FNIP2: variants seen among roughly 807,000 people sequenced by gnomAD.
FNIP2 encodes the protein folliculin interacting protein 2.
In FNIP2, 32 loss-of-function variants were observed where a neutral mutation model predicts 108.7. The ratio of observed to expected loss-of-function variants is 0.29; its 90% CI spans 0.22 to 0.40. The LOEUF (loss-of-function observed/expected upper bound fraction) is 0.40. Ranked by LOEUF, FNIP2 falls within the 10% of genes least tolerant of loss-of-function variation. The pLI, the probability that FNIP2 is intolerant of heterozygous loss-of-function variation, is 1.00. For missense variants in FNIP2, 1,202 were observed against 1,381.6 expected, an observed-to-expected ratio of 0.87 and a Z score of 2.06; for synonymous variants, 480 against 496.7, an observed-to-expected ratio of 0.97 and a Z score of 0.45.
intron 1 of FNIP2, among the ~76,000 whole-genome samples, chr4:158,814,683 C>T (rs1695521226): frequency 6.6e-6 from 1 of 152,190 alleles, no homozygotes; most frequent in Non-Finnish European, 1.5e-5. Flanking sequence ...GAGAAACTTT[C>T]TCCTGTCTTT....
intron 1 of FNIP2, among the ~76,000 whole-genome samples, chr4:158,815,537 C>G (rs1007068612): frequency 6.6e-6 from 1 of 152,052 alleles, no homozygotes; most frequent in Admixed American, 6.6e-5. Flanking sequence ...CGCCCGCCAC[C>G]ACGCCCAGCT....
intron 1 of FNIP2, among the ~76,000 whole-genome samples, chr4:158,795,047 CT>C (rs1223461370): frequency 6.6e-6 from 1 of 152,170 alleles, no homozygotes; most frequent in African/African-American, 2.4e-5. Context: ...GACAGTTCTA[CT>C]GGATGGAATA....
chr4:158,846,681 A>C (rs554255113), intron 7 of FNIP2, among the ~76,000 whole-genome samples: 96 of 152,370 alleles, frequency 6.3e-4, no homozygotes, highest in Admixed American at 1.2e-3. Flanking sequence ...ATACAGGTTA[A>C]CAAGAGAAAA....
chr4:158,829,241 C>T lies in FNIP2; in HGVS notation c.381+16C>T. On this transcript the variant is annotated intron_variant, in intron 3 of 16. Coordinates refer to ENST00000264433, the MANE Select transcript of FNIP2 (RefSeq NM_020840.3). ...AAAGTACCAGGTACAACCATCCCTT[C>T]TGTGGGAATAGCCCCTGAGGTTAAA... The T allele has an allele frequency of 6.3e-7, 1 of 1,588,494 alleles. No homozygotes were observed. The highest frequency in any genetic ancestry group is 1.3e-5 in the African/African-American group (1 of 74,220).
chr4:158,790,023 G>A (rs929810425), intron 1 of FNIP2, among the ~76,000 whole-genome samples: 2 of 151,772 alleles, frequency 1.3e-5, no homozygotes, highest in African/African-American at 2.4e-5. Context: ...TGACCTTATG[G>A]GTCACGGTCC....
At chr4:158,853,097 A>G (rs532524462) in intron 8 of FNIP2, among the ~76,000 whole-genome samples, 1 of 151,602 alleles carries the variant, frequency 6.6e-6, no homozygotes, top group East Asian at 1.9e-4. Flanking sequence ...AATATAAACT[A>G]ATAAATTCCA....
At chr4:158,867,453 A>G (rs35322790) in intron 12 of FNIP2, among the ~76,000 whole-genome samples, 44,057 of 152,204 alleles carry the variant, frequency 0.29, 7,136 homozygotes, top group Non-Finnish European at 0.38. Context: ...CAGCCTCCCA[A>G]AGTGCTGATA....
intron 1 of FNIP2, among the ~76,000 whole-genome samples, chr4:158,815,920 G>A (rs1401780318): frequency 1.3e-5 from 2 of 152,206 alleles, no homozygotes; most frequent in South Asian, 4.1e-4. Context: ...GCACTCCCTT[G>A]TATGGATGTA....
chr4:158,860,924 G>A (rs377222094), intron 10 of FNIP2, among the ~76,000 whole-genome samples: 88 of 152,184 alleles, frequency 5.8e-4, no homozygotes, highest in African/African-American at 1.9e-3. Context: ...AAAGTGCTGG[G>A]ATTACAGGTA....
Position 158,816,864 on chromosome 4 carries a change from T to G in FNIP2, c.108-9052T>G, listed in dbSNP as rs543599012. 2.9e-3 allele frequency among the ~76,000 whole-genome samples: 435 copies of G among 152,166 alleles called. 1 individual carries two copies. The highest frequency in any genetic ancestry group is 0.01 in the Middle Eastern group (3 of 294). ...ATGAACAGTAAAGCTCTTTTTTTTTTGTCAGTTTGGCTATTTTTAAGTACA... is the reference window on the plus strand; with the variant it reads ...ATGAACAGTAAAGCTCTTTTTTTTTGGTCAGTTTGGCTATTTTTAAGTACA... On this transcript the variant is annotated intron_variant, in intron 1 of 16. Transcript: ENST00000264433.
intron 1 of FNIP2, among the ~76,000 whole-genome samples, chr4:158,804,737 G>A (rs1487791817): frequency 6.6e-6 from 1 of 152,096 alleles, no homozygotes; most frequent in Non-Finnish European, 1.5e-5. Flanking sequence ...TAATCTTTTG[G>A]TTCTCTGTTA....
chr4:158,879,292 C>T lies in FNIP2; in HGVS notation c.2949+8823C>T, dbSNP rs997092335. 1.0e-4 allele frequency among the ~76,000 whole-genome samples: 15 copies of T among 150,368 alleles called. 1 individual carries two copies. On this transcript the variant is annotated intron_variant, in intron 14 of 16. Transcript: ENST00000264433. ...ATGGCATCTGTCCTCAGGGAGTTTGCGATCTAACAGGAAATAGAAATAAGT... is the reference window on the plus strand; with the variant it reads ...ATGGCATCTGTCCTCAGGGAGTTTGTGATCTAACAGGAAATAGAAATAAGT...
intron 1 of FNIP2, among the ~76,000 whole-genome samples, chr4:158,798,118 G>A (rs771930175): frequency 1.9e-4 from 29 of 152,094 alleles, no homozygotes; most frequent in South Asian, 1.0e-3. Flanking sequence ...AAGCCAAAGC[G>A]CAGTGGTGTG....
intron 8 of FNIP2, 60 bp downstream of exon 8, chr4:158,851,510 G>C: frequency 3.1e-6 from 5 of 1,591,266 alleles, no homozygotes; most frequent in Non-Finnish European, 4.3e-6. Context: ...TGATGAAACT[G>C]GCAGGGAGGC....
chr4:158,875,922 A>G (rs1781254173), intron 14 of FNIP2, among the ~76,000 whole-genome samples: 1 of 152,184 alleles, frequency 6.6e-6, no homozygotes, highest in Non-Finnish European at 1.5e-5. Flanking sequence ...TTTTAATGAT[A>G]TAGAACTAAA....
At chr4:158,806,224 G>C in intron 1 of FNIP2, 1 of 1,288,082 alleles carries the variant, frequency 7.8e-7, no homozygotes, top group African/African-American at 1.5e-5. Context: ...GGATAAACCA[G>C]AAGAACATTA....
rs1729752231 is a variant in FNIP2, at chr4:158,905,468, T to C, written c.*924T>C. 1 of 152,238 alleles carries C rather than the reference T, an allele frequency of 6.6e-6. No individual in the cohort carries two copies. The allele number at this position is 152,238 out of a possible 1,614,324, so 9.4% of individuals were successfully genotyped here. A position where few individuals can be genotyped will look rare whatever the true frequency, so the allele number is the denominator to read the frequency against. On this transcript the variant is annotated 3_prime_UTR_variant, in exon 17 of 17. Coordinates refer to ENST00000264433, the MANE Select transcript of FNIP2 (RefSeq NM_020840.3). ...TATAGTTAATACAAATGACTATTTT[T>C]ACTTTAAAAGGCACAGCTGTCCTGG...
intron 1 of FNIP2, among the ~76,000 whole-genome samples, chr4:158,809,945 G>A (rs1777183100): frequency 2.0e-5 from 3 of 152,300 alleles, no homozygotes; most frequent in East Asian, 1.9e-4. Flanking sequence ...TAACAAGAAA[G>A]TAAGTACAGA....
At chr4:158,859,312 G>A in intron 9 of FNIP2, 54 bp downstream of exon 9, 1 of 1,520,076 alleles carries the variant, frequency 6.6e-7, no homozygotes, top group Non-Finnish European at 8.9e-7. Flanking sequence ...GGGCTTTGAA[G>A]ATGGCAGAAT....
Sources: allele counts gnomAD v4.1 joint callset (sites outside exome capture counted in the v4.1 genomes callset), GRCh38; gene constraint gnomAD v4.1.1; transcripts MANE v1.5; gene names NCBI Gene and HGNC (gene_info 2026-07-23, HGNC 2026-07-21).